ZNF804B: variants seen among roughly 807,000 people sequenced by gnomAD.
ZNF804B encodes zinc finger protein 804B, also known as zinc finger 804B.
A neutral mutation model predicts 101.4 loss-of-function variants in ZNF804B; 80 were observed. The observed-to-expected ratio is 0.79, with a 90% CI of 0.66 to 0.95. The LOEUF is 0.95. Ranked by LOEUF, ZNF804B falls within the 40% of genes least tolerant of loss-of-function variation. The pLI, the probability that ZNF804B is intolerant of heterozygous loss-of-function variation, is 0.00. For missense variants in ZNF804B, 1,673 were observed against 1,561.9 expected (o/e 1.07, Z -1.20); for synonymous variants, 622 against 558.8 (o/e 1.11, Z -1.59).
At chr7:89,258,810 G>A (rs1777530636) in intron 2 of ZNF804B, among the ~76,000 whole-genome samples, 1 of 151,570 alleles carries the variant, frequency 6.6e-6, no homozygotes, top group South Asian at 2.1e-4. Flanking sequence ...AAAATATATT[G>A]ACTATTAAGT....
intron 1 of ZNF804B, among the ~76,000 whole-genome samples, chr7:89,212,479 G>A (rs1053250119): frequency 5.3e-5 from 8 of 152,074 alleles, no homozygotes; most frequent in Admixed American, 3.3e-4. Context: ...TAAACTTATA[G>A]ACTAAATTTC....
In ZNF804B at chr7:88,810,555, G is replaced by A. The variant is rs111257142; in HGVS notation, c.108+50471G>A. ...TGCACACCTGTAGTCCCAGCTACTC[G>A]AGAGGCTGAGGTGGAAGGATCACCT... is the stretch of plus-strand genomic sequence containing the variant. On this transcript the variant is annotated intron_variant, in intron 1 of 3. Transcript: ENST00000333190. Among the ~76,000 whole-genome samples the A allele has an allele frequency of 3.0e-3, 453 of 151,508 alleles. 3 individuals are homozygous for A. The highest frequency in any genetic ancestry group is 8.6e-3 in the African/African-American group (354 of 41,310).
chr7:89,096,573 C>T (rs911287361), intron 1 of ZNF804B, among the ~76,000 whole-genome samples: 3 of 152,142 alleles, frequency 2.0e-5, no homozygotes, highest in Non-Finnish European at 2.9e-5. Context: ...TTGCTGTCCA[C>T]GTTATTACTT....
intron 2 of ZNF804B, among the ~76,000 whole-genome samples, chr7:89,232,866 TTC>T (rs1309621879): frequency 3.3e-5 from 5 of 152,108 alleles, no homozygotes; most frequent in Non-Finnish European, 7.4e-5. Flanking sequence ...GATTTCTGAT[TTC>T]TCTTTTGATA....
intron 1 of ZNF804B, among the ~76,000 whole-genome samples, chr7:89,133,037 C>T (rs973084409): frequency 5.9e-5 from 9 of 151,962 alleles, no homozygotes; most frequent in Non-Finnish European, 8.8e-5. Flanking sequence ...AATGCCTTAA[C>T]CTAAATCTAA....
At chr7:89,242,476 A>G (rs1478372283) in intron 2 of ZNF804B, among the ~76,000 whole-genome samples, 1 of 151,902 alleles carries the variant, frequency 6.6e-6, no homozygotes, top group Non-Finnish European at 1.5e-5. Context: ...ACAGCTGACT[A>G]TTTCTCATTT....
intron 1 of ZNF804B, among the ~76,000 whole-genome samples, chr7:89,194,286 T>C (rs914747049): frequency 3.2e-4 from 49 of 152,300 alleles, no homozygotes; most frequent in African/African-American, 1.1e-3. Context: ...TGATGGTATT[T>C]CTTTTGCTGT....
At chr7:88,880,716 G>A (rs1237801505) in intron 1 of ZNF804B, among the ~76,000 whole-genome samples, 3 of 151,934 alleles carry the variant, frequency 2.0e-5, no homozygotes, top group African/African-American at 7.3e-5. Context: ...GACAAACCAA[G>A]GAAGAAAATT....
At chr7:88,782,172 T>G (rs1375914455) in intron 1 of ZNF804B, among the ~76,000 whole-genome samples, 1 of 149,820 alleles carries the variant, frequency 6.7e-6, no homozygotes, top group Non-Finnish European at 1.5e-5. Flanking sequence ...AAAAAGAGAT[T>G]GGGTTGGGGA....
intron 1 of ZNF804B, among the ~76,000 whole-genome samples, chr7:88,935,576 G>T (rs1037679515): frequency 6.6e-6 from 1 of 151,402 alleles, no homozygotes; most frequent in African/African-American, 2.4e-5. Flanking sequence ...TCAAGTGTAG[G>T]GTGGGCACCT....
chr7:88,798,882 TTCTA>T (rs1222572556), intron 1 of ZNF804B, among the ~76,000 whole-genome samples: 1 of 152,094 alleles, frequency 6.6e-6, no homozygotes, highest in Admixed American at 6.6e-5. Flanking sequence ...AAGAGAACTC[TTCTA>T]TCTGTCTGTC....
chr7:89,063,239 G>A (rs905297383), intron 1 of ZNF804B, among the ~76,000 whole-genome samples: 1 of 152,064 alleles, frequency 6.6e-6, no homozygotes, highest in African/African-American at 2.4e-5. Context: ...CATGAAAATG[G>A]TTAAATTTGG....
intron 1 of ZNF804B, among the ~76,000 whole-genome samples, chr7:89,022,668 T>C (rs1181508872): frequency 6.6e-6 from 1 of 152,218 alleles, no homozygotes; most frequent in Non-Finnish European, 1.5e-5. Flanking sequence ...AAAGCTTATG[T>C]GTTGCTTTCC....
At chr7:88,771,138 A>C (rs780749037) in intron 1 of ZNF804B, among the ~76,000 whole-genome samples, 3 of 152,136 alleles carry the variant, frequency 2.0e-5, no homozygotes, top group Non-Finnish European at 2.9e-5. Flanking sequence ...GAGGGTAAAC[A>C]GAAAAATCAA....
chr7:88,851,191 G>A (rs1791446543), intron 1 of ZNF804B, among the ~76,000 whole-genome samples: 1 of 152,042 alleles, frequency 6.6e-6, no homozygotes, highest in Non-Finnish European at 1.5e-5. Flanking sequence ...TAAATGAAGT[G>A]CCTGAAGAAG....
At chr7:89,023,971 C>G (rs1477643432) in intron 1 of ZNF804B, among the ~76,000 whole-genome samples, 1 of 152,168 alleles carries the variant, frequency 6.6e-6, no homozygotes, top group Non-Finnish European at 1.5e-5. Flanking sequence ...TGGGCAGCAC[C>G]CTGCCAAGTG....
intron 1 of ZNF804B, among the ~76,000 whole-genome samples, chr7:88,765,219 G>T (rs1204567418): frequency 6.6e-6 from 1 of 151,942 alleles, no homozygotes; most frequent in East Asian, 1.9e-4. Context: ...ACCTTGATTA[G>T]TTTCTTTTAG....
intron 2 of ZNF804B, among the ~76,000 whole-genome samples, chr7:89,227,936 C>T (rs761283131): frequency 5.3e-5 from 8 of 152,122 alleles, no homozygotes; most frequent in Non-Finnish European, 8.8e-5. Flanking sequence ...TAATATCTTC[C>T]TCTACAATCT....
Position 89,147,083 on chromosome 7 carries a change from G to A in ZNF804B, c.109-71072G>A, listed in dbSNP as rs888782541. Among the ~76,000 whole-genome samples the A allele has an allele frequency of 2.1e-4, 29 of 140,176 alleles. 1 individual carries two copies. The highest frequency in any genetic ancestry group is 3.1e-4 in the Non-Finnish European group (20 of 64,390). 92.0% of individuals were successfully genotyped at this position (140,176 alleles called of 152,430 possible). A position where few individuals can be genotyped will look rare whatever the true frequency, so the allele number is the denominator to read the frequency against. ...TTGTATCAAAAAATAGGATAATCAG[G>A]TATATATATATATATATATTTAATG... On this transcript the variant is annotated intron_variant, in intron 1 of 3. Coordinates refer to ENST00000333190, the MANE Select transcript of ZNF804B (RefSeq NM_181646.5).
Sources: allele counts gnomAD v4.1 joint callset (sites outside exome capture counted in the v4.1 genomes callset), GRCh38; gene constraint gnomAD v4.1.1; transcripts MANE v1.5; gene names NCBI Gene and HGNC (gene_info 2026-07-23, HGNC 2026-07-21).